Variants in HFM1 observed in about 807,000 individuals in gnomAD.
The protein encoded by HFM1 is probable ATP-dependent DNA helicase HFM1.
In HFM1, 169 loss-of-function variants were observed where a neutral mutation model predicts 192.1. The ratio of observed to expected loss-of-function variants is 0.88; its 90% CI spans 0.78 to 1.00. The LOEUF (loss-of-function observed/expected upper bound fraction) is 1.00, where lower values mean the gene tolerates loss of function less well. Ranked by LOEUF, HFM1 falls within the 50% of genes least tolerant of loss-of-function variation. The pLI is 0.00. For missense variants in HFM1, 1,661 were observed against 1,668.0 expected (o/e 1.00, Z 0.07); for synonymous variants, 525 against 537.8 (o/e 0.98, Z 0.33).
rs568382810 is a variant in HFM1 at position 91,292,436 on chromosome 1, T to C, written c.3392-15374A>G. On this transcript the variant is annotated intron_variant, in intron 30 of 38. Coordinates refer to ENST00000370425, the MANE Select transcript of HFM1 (RefSeq NM_001017975.6). ...GACAAACAGAGAGCCAAATCATGAG[T>C]GAACTCCCATTCACAATTGCTTCAA... 7.1e-5 allele frequency among the ~76,000 whole-genome samples: 10 copies of C among 141,014 alleles called. No individual in the cohort carries two copies. In the Admixed American group the frequency reaches 7.3e-4, roughly 10 times the overall value. The allele number at this position is 141,014 out of a possible 152,430, so 92.5% of individuals were successfully genotyped here.
intron 20 of HFM1, among the ~76,000 whole-genome samples, chr1:91,327,188 T>C (rs1383943814): frequency 6.6e-6 from 1 of 152,080 alleles, no homozygotes; most frequent in South Asian, 2.1e-4. Context: ...AATAATAACA[T>C]TGAATGTAAA....
At chr1:91,285,772 T>A (rs1282553797) in intron 30 of HFM1, among the ~76,000 whole-genome samples, 1 of 152,150 alleles carries the variant, frequency 6.6e-6, no homozygotes, top group Admixed American at 6.5e-5. Context: ...TTTTCAGAAA[T>A]AAATATTTCA....
In HFM1 at chr1:91,273,825, G is replaced by C; in HGVS notation, c.3669-10C>G. Reference sequence around the variant, plus strand: ...GTTTAAATATTCTGACCTTTATAAAGATAAAACCATGAAAATGTTAAAGAA... The same window carrying C: ...GTTTAAATATTCTGACCTTTATAAACATAAAACCATGAAAATGTTAAAGAA... On this transcript the variant is annotated splice_polypyrimidine_tract_variant and intron_variant, in intron 33 of 38. Transcript: ENST00000370425. 7.3e-7 allele frequency: 1 copy of C among 1,362,928 alleles called. No individual in the cohort carries two copies. The highest frequency in any genetic ancestry group is 1.0e-6 in the Non-Finnish European group (1 of 970,492). The allele number at this position is 1,362,928 out of a possible 1,614,324, so 84.4% of individuals were successfully genotyped here.
intron 13 of HFM1, among the ~76,000 whole-genome samples, chr1:91,357,586 G>T (rs1657914252): frequency 6.6e-6 from 1 of 151,706 alleles, no homozygotes; most frequent in Non-Finnish European, 1.5e-5. Flanking sequence ...ATTCAACACA[G>T]TACTGGAAGT....
At chr1:91,325,247 A>G (rs1254951089) in intron 20 of HFM1, among the ~76,000 whole-genome samples, 1 of 152,224 alleles carries the variant, frequency 6.6e-6, no homozygotes, top group African/African-American at 2.4e-5. Flanking sequence ...TCGTGGCCAC[A>G]GGCAGAGACT....
intron 18 of HFM1, 74 bp from the exon 19 acceptor site, chr1:91,347,550 G>A: frequency 1.1e-6 from 1 of 871,108 alleles, no homozygotes; most frequent in Non-Finnish European, 1.8e-6. Flanking sequence ...GTTAACTAGT[G>A]AAGAGCAGTC....
intron 33 of HFM1, 21 bp from the exon 34 acceptor site, chr1:91,273,836 GA>G: frequency 7.9e-7 from 1 of 1,264,742 alleles, no homozygotes. Flanking sequence ...ATAAAACCAT[GA>G]AAATGTTAAA....
chr1:91,397,699 A>T (rs1044224633), intron 2 of HFM1, among the ~76,000 whole-genome samples: 3 of 152,228 alleles, frequency 2.0e-5, no homozygotes, highest in Non-Finnish European at 1.5e-5. Context: ...GATCACCCCC[A>T]GTTCAATAAT....
intron 6 of HFM1, among the ~76,000 whole-genome samples, chr1:91,381,861 C>A (rs1239240997): frequency 6.6e-6 from 1 of 152,100 alleles, no homozygotes; most frequent in Non-Finnish European, 1.5e-5. Flanking sequence ...TAAAGATATA[C>A]AAGAACTGAT....
In HFM1 at chr1:91,316,402, C is replaced by T. The variant is rs757640828; in HGVS notation, c.2887G>A (p.Glu963Lys). ...FKKIEETDAR[E>K]LELILNRHPP... The stretch of plus-strand genomic sequence containing the variant: ...GTGAATATAACTACCAATTCAAGTT[C>T]CCTTGCATCTGTCTCTTCTATTTTT... Residue 963 changes from glutamate to lysine, a missense_variant, in exon 26 of 39, where the codon GAA becomes AAA. Physicochemically the swap from Glu to Lys is moderately conservative, Grantham distance 56. Transcript: ENST00000370425. The T allele has an allele frequency of 6.4e-7, 1 of 1,559,630 alleles. No individual in the cohort carries two copies. The highest frequency in any genetic ancestry group is 8.8e-7 in the Non-Finnish European group (1 of 1,140,610).
chr1:91,365,706 G>T lies in HFM1; in HGVS notation c.1685+9652C>A, dbSNP rs1007790708. On this transcript the variant is annotated intron_variant, in intron 13 of 38. Coordinates refer to ENST00000370425, the MANE Select transcript of HFM1 (RefSeq NM_001017975.6). ...GATAACACTCATGACTTTTTTTAAG[G>T]ATTCACAATGGAATGAAGATAAGGC... Among the ~76,000 whole-genome samples, 36 of 151,924 alleles carry T rather than the reference G, an allele frequency of 2.4e-4. 1 individual carries two copies. Among genetic ancestry groups the T allele is most frequent in the African/African-American group, 8.7e-4 (36 of 41,356 alleles).
chr1:91,389,132 GTTTTTTTTTTTT>G (rs34874992), intron 4 of HFM1, among the ~76,000 whole-genome samples: 1 of 82,522 alleles, frequency 1.2e-5, no homozygotes, highest in African/African-American at 5.1e-5. Flanking sequence ...TTTTTGTTGG[GTTTTTTTTTTTT>G]TTTTTTTTTT....
chr1:91,262,648 A>C lies in HFM1; in HGVS notation c.3975-56T>G, dbSNP rs997273807. 3 of 994,444 alleles carry C rather than the reference A, an allele frequency of 3.0e-6. No individual in the cohort carries two copies. The African/African-American group carries it at 4.9e-5, about 16-fold the overall frequency. 61.6% of individuals were successfully genotyped at this position (994,444 alleles called of 1,614,324 possible). A position where few individuals can be genotyped will look rare whatever the true frequency, so the allele number is the denominator to read the frequency against. ...ACGGCAAACAAGAAAAACCATTTTAATTTGGATCATAATGATTTTTGGGGA... is the reference window on the plus strand; with the variant it reads ...ACGGCAAACAAGAAAAACCATTTTACTTTGGATCATAATGATTTTTGGGGA... On this transcript the variant is annotated intron_variant, in intron 36 of 38. Transcript: ENST00000370425.
At chr1:91,321,575 G>A (rs547709066) in intron 23 of HFM1, among the ~76,000 whole-genome samples, 4 of 152,142 alleles carry the variant, frequency 2.6e-5, no homozygotes, top group Non-Finnish European at 5.9e-5. Context: ...AAAGTAACAG[G>A]GATATGACAA....
rs1557832419 is a variant in HFM1 at position 91,313,856 on chromosome 1, A to G, written c.3244+101T>C. On this transcript the variant is annotated intron_variant, in intron 29 of 38. Transcript: ENST00000370425. ...TTATCTAAATATATTATTTTTGCATAATACCATTTATACTGTTTTTCTGTA... is the reference window on the plus strand; with the variant it reads ...TTATCTAAATATATTATTTTTGCATGATACCATTTATACTGTTTTTCTGTA... The G allele has an allele frequency of 1.9e-5, 11 of 592,132 alleles. No individual in the cohort carries two copies. In the South Asian group the frequency reaches 3.1e-4, roughly 17 times the overall value. The allele number at this position is 592,132 out of a possible 1,614,324, so 36.7% of individuals were successfully genotyped here.
At chr1:91,318,263 C>T (rs754743368) in intron 25 of HFM1, among the ~76,000 whole-genome samples, 3 of 152,122 alleles carry the variant, frequency 2.0e-5, no homozygotes, top group Admixed American at 6.6e-5. Context: ...CCCTCTGCCA[C>T]CCCACTGATT....
intron 30 of HFM1, among the ~76,000 whole-genome samples, chr1:91,289,193 CGGGGCAGAGACACTCCTCAGTTCCAAGA>C (rs1668400170): frequency 1.3e-5 from 2 of 151,222 alleles, no homozygotes; most frequent in African/African-American, 4.9e-5. Flanking sequence ...GGGGTGGTGG[CGGGGCAGAGACACTCCTCAGTTCCAAGA>C]CGGGGTCGCG....
Position 91,394,204 on chromosome 1 carries a change from T to C in HFM1, c.383A>G (p.Tyr128Cys), listed in dbSNP as rs753284346. 1 of 1,603,672 alleles carries C rather than the reference T, an allele frequency of 6.2e-7. No individual in the cohort carries two copies. Among genetic ancestry groups the C allele is most frequent in the Admixed American group, 1.7e-5 (1 of 59,960 alleles). The change falls in exon 4 of 39, where the codon TAT becomes TGT. Residue 128 changes from tyrosine to cysteine, a missense_variant. Coordinates refer to ENST00000370425, the MANE Select transcript of HFM1 (RefSeq NM_001017975.6). ...AGKLTYASQK[Y>C]KNHIGTEIAP... Reference sequence around the variant, plus strand: ...TATCTCAGTGCCAATGTGATTTTTATATTTCTGAGAAGCATATGTCAGCTT... The same window carrying C: ...TATCTCAGTGCCAATGTGATTTTTACATTTCTGAGAAGCATATGTCAGCTT...
chr1:91,378,303 G>T, intron 10 of HFM1, 100 bp downstream of exon 10: 1 of 1,241,412 alleles, frequency 8.1e-7, no homozygotes, highest in Non-Finnish European at 1.1e-6. Flanking sequence ...CACTTGAAGG[G>T]ATAAAACAAA....
Sources: gnomAD v4.1 joint callset for allele counts (sites outside exome capture counted in the v4.1 genomes callset) on GRCh38, gnomAD v4.1.1 for gene constraint, MANE v1.5 for transcripts, NCBI Gene and HGNC (gene_info 2026-07-23, HGNC 2026-07-21) for gene names.